MAGI2: variants seen among roughly 807,000 people sequenced by gnomAD.
MAGI2 encodes membrane associated guanylate kinase, WW and PDZ domain containing 2.
Under a neutral mutation model 133.3 loss-of-function variants are expected in MAGI2, and 35 were observed. The observed-to-expected ratio is 0.26, with a 90% CI of 0.20 to 0.35. The LOEUF is 0.35. Ranked by LOEUF, MAGI2 falls within the 10% of genes least tolerant of loss-of-function variation. The probability of loss-of-function intolerance (pLI) is 1.00; values close to 1 mark genes in which losing one functional copy is unlikely to be tolerated. For missense variants in MAGI2, 1,636 were observed against 1,863.4 expected (o/e 0.88, Z 2.25); for synonymous variants, 729 against 710.6 (o/e 1.03, Z -0.41).
chr7:78,876,250 AG>A (rs901627952), intron 2 of MAGI2, among the ~76,000 whole-genome samples: 4 of 145,788 alleles, frequency 2.7e-5, no homozygotes, highest in African/African-American at 1.0e-4. Flanking sequence ...TGAACCCAGG[AG>A]GTGGACATTG....
At chr7:78,287,959 G>C (rs1372493976) in intron 9 of MAGI2, among the ~76,000 whole-genome samples, 1 of 152,124 alleles carries the variant, frequency 6.6e-6, no homozygotes, top group Non-Finnish European at 1.5e-5. Context: ...ATCAGGATAT[G>C]TTCTAGACTT....
intron 9 of MAGI2, among the ~76,000 whole-genome samples, chr7:78,286,440 A>G (rs1404705716): frequency 6.6e-6 from 1 of 152,142 alleles, no homozygotes; most frequent in East Asian, 1.9e-4. Context: ...TTTACTATTT[A>G]GGGGATTCAA....
intron 1 of MAGI2, among the ~76,000 whole-genome samples, chr7:79,398,468 TCTGTCAATGTCACTGTAGC>T (rs1408812352): frequency 6.6e-6 from 1 of 152,172 alleles, no homozygotes; most frequent in African/African-American, 2.4e-5. Context: ...AATCCCCAAA[TCTGTCAATGTCACTGTAGC>T]CTGTGATTTC....
At chr7:78,377,028 A>C (rs1285432172) in intron 6 of MAGI2, among the ~76,000 whole-genome samples, 1 of 152,146 alleles carries the variant, frequency 6.6e-6, no homozygotes, top group East Asian at 1.9e-4. Flanking sequence ...AGCCTGTGTT[A>C]ATCTACCCAT....
chr7:79,012,510 C>G (rs538739005), intron 1 of MAGI2, among the ~76,000 whole-genome samples: 1 of 152,008 alleles, frequency 6.6e-6, no homozygotes, highest in South Asian at 2.1e-4. Flanking sequence ...AGAGTGTTTC[C>G]TATTCATTTT....
rs531674605 is a variant in MAGI2 at position 79,359,476 on chromosome 7, C to T, written c.301+93544G>A. 2.0e-5 allele frequency among the ~76,000 whole-genome samples: 3 copies of T among 151,944 alleles called. No homozygotes were observed. In the East Asian group the frequency reaches 5.8e-4, roughly 29 times the overall value. ...TCCACACTTGATAAAAGACAAAAAC[C>T]TTCAGATACAAGAAACTGGGTAAAT... On this transcript the variant is annotated intron_variant, in intron 1 of 21. Coordinates refer to ENST00000354212, the MANE Select transcript of MAGI2 (RefSeq NM_012301.4).
intron 3 of MAGI2, among the ~76,000 whole-genome samples, chr7:78,524,145 C>T (rs2150594938): frequency 6.6e-6 from 1 of 152,208 alleles, no homozygotes; most frequent in South Asian, 2.1e-4. Flanking sequence ...GAGATGTGCA[C>T]TCTCCTTTGA....
At chr7:78,564,636 T>C (rs1800745163) in intron 3 of MAGI2, among the ~76,000 whole-genome samples, 1 of 152,138 alleles carries the variant, frequency 6.6e-6, no homozygotes, top group African/African-American at 2.4e-5. Flanking sequence ...GATTAGAAAA[T>C]GACCTCAAAA....
intron 3 of MAGI2, among the ~76,000 whole-genome samples, chr7:78,578,695 C>CA (rs1423133439): frequency 6.6e-6 from 1 of 152,146 alleles, no homozygotes; most frequent in East Asian, 1.9e-4. Context: ...TGCACTGTCA[C>CA]ACTGTAAGCT....
chr7:78,570,818 A>G (rs552807517), intron 3 of MAGI2, among the ~76,000 whole-genome samples: 3 of 152,214 alleles, frequency 2.0e-5, no homozygotes, highest in African/African-American at 7.2e-5. Context: ...GATTTCATCC[A>G]CCTTTGAGTT....
intron 6 of MAGI2, among the ~76,000 whole-genome samples, chr7:78,453,642 T>C (rs747258774): frequency 1.3e-5 from 2 of 152,170 alleles, no homozygotes; most frequent in Admixed American, 6.5e-5. Flanking sequence ...CAGATCCCCA[T>C]TGGGTGGCCA....
At chr7:79,374,397 AG>A (rs1322247919) in intron 1 of MAGI2, among the ~76,000 whole-genome samples, 3 of 151,828 alleles carry the variant, frequency 2.0e-5, no homozygotes, top group Non-Finnish European at 4.4e-5. Flanking sequence ...GTACAAGTCA[AG>A]GAACACCTGA....
chr7:79,379,231 G>C (rs956572027), intron 1 of MAGI2, among the ~76,000 whole-genome samples: 2 of 150,930 alleles, frequency 1.3e-5, no homozygotes, highest in African/African-American at 2.4e-5. Flanking sequence ...TTGTCCTTGC[G>C]ATAGTTTGCT....
chr7:78,544,894 G>A (rs1221341103), intron 3 of MAGI2, among the ~76,000 whole-genome samples: 2 of 151,716 alleles, frequency 1.3e-5, no homozygotes, highest in Admixed American at 1.3e-4. Flanking sequence ...CCTGACTTCA[G>A]GTGATTTGCC....
At chr7:78,814,247 T>C (rs1344944206) in intron 2 of MAGI2, among the ~76,000 whole-genome samples, 1 of 152,118 alleles carries the variant, frequency 6.6e-6, no homozygotes, top group Non-Finnish European at 1.5e-5. Context: ...TATTTGGGGG[T>C]GCTGTCACTA....
intron 2 of MAGI2, among the ~76,000 whole-genome samples, chr7:78,921,847 G>C (rs969177997): frequency 2.0e-5 from 3 of 152,038 alleles, no homozygotes; most frequent in Admixed American, 1.3e-4. Context: ...TGGCCAGGCT[G>C]GTCTTGAACT....
At chr7:79,011,887 T>C (rs188745037) in intron 1 of MAGI2, among the ~76,000 whole-genome samples, 1 of 123,456 alleles carries the variant, frequency 8.1e-6, no homozygotes, top group Non-Finnish European at 1.7e-5. Flanking sequence ...CTTCCTTTCT[T>C]CCTTCCTTCC....
chr7:78,150,219 T>C (rs1823736827), intron 16 of MAGI2, among the ~76,000 whole-genome samples: 1 of 152,122 alleles, frequency 6.6e-6, no homozygotes, highest in African/African-American at 2.4e-5. Flanking sequence ...CCAGGCCAAA[T>C]GGGAAAAATA....
chr7:78,823,580 C>CAA (rs1166858938), intron 2 of MAGI2, among the ~76,000 whole-genome samples: 68 of 91,624 alleles, frequency 7.4e-4, no homozygotes, highest in East Asian at 1.0e-3. Flanking sequence ...GACTCCGTCT[C>CAA]AAAAAAAAAA....
Sources: gnomAD v4.1 joint callset for allele counts (sites outside exome capture counted in the v4.1 genomes callset) on GRCh38, gnomAD v4.1.1 for gene constraint, MANE v1.5 for transcripts, NCBI Gene and HGNC (gene_info 2026-07-23, HGNC 2026-07-21) for gene names.